TECTA: variants seen among roughly 807,000 people sequenced by gnomAD.
TECTA encodes the protein tectorin alpha.
In TECTA, 128 loss-of-function variants were observed where a neutral mutation model predicts 216.8. The observed-to-expected ratio is 0.59, with a 90% confidence interval of 0.51 to 0.68. The LOEUF is 0.68. Among genes scored for constraint, TECTA ranks in the 30% least tolerant of loss-of-function variants. The pLI is 0.00. For missense variants in TECTA, 2,551 were observed against 2,786.2 expected (o/e 0.92, Z 1.90); for synonymous variants, 1,089 against 1,117.1 (o/e 0.97, Z 0.50).
intron 16 of TECTA, among the ~76,000 whole-genome samples, chr11:121,162,610 A>T (rs1947012863): frequency 6.6e-6 from 1 of 152,216 alleles, no homozygotes; most frequent in Admixed American, 6.5e-5. Flanking sequence ...AAACGTGGGA[A>T]GATGGGGCTC....
intron 10 of TECTA, among the ~76,000 whole-genome samples, chr11:121,134,347 ACG>A (rs33961345): frequency 6.6e-6 from 1 of 151,614 alleles, no homozygotes; most frequent in East Asian, 1.9e-4. Context: ...ACACACACAC[ACG>A]CACACACTTC....
At chr11:121,169,076 A>C (rs1362144345) in intron 20 of TECTA, 151 bp downstream of exon 20, 1 of 1,242,462 alleles carries the variant, frequency 8.0e-7, no homozygotes, top group South Asian at 1.3e-5. Flanking sequence ...TCTCAAGACA[A>C]CCTATGAGGT....
At chr11:121,178,095 A>C (rs1269076548) in intron 20 of TECTA, among the ~76,000 whole-genome samples, 1 of 152,148 alleles carries the variant, frequency 6.6e-6, no homozygotes, top group Non-Finnish European at 1.5e-5. Context: ...CCTTTCTTTG[A>C]CTAGGAAAGG....
intron 4 of TECTA, chr11:121,110,084 GT>G (rs1946429051): frequency 6.4e-6 from 1 of 155,368 alleles, no homozygotes; most frequent in Non-Finnish European, 1.4e-5. Flanking sequence ...CATGAATAAA[GT>G]TTCAACATCT....
intron 16 of TECTA, among the ~76,000 whole-genome samples, chr11:121,162,978 T>C (rs2135126355): frequency 6.6e-6 from 1 of 152,354 alleles, no homozygotes; most frequent in East Asian, 1.9e-4. Context: ...GTTAATCAAA[T>C]AGGAGAACAA....
At chr11:121,124,993 G>A (rs1468951402) in intron 7 of TECTA, among the ~76,000 whole-genome samples, 1 of 152,230 alleles carries the variant, frequency 6.6e-6, no homozygotes, top group Non-Finnish European at 1.5e-5. Flanking sequence ...GAAAAGATAT[G>A]AAGCTAGCCA....
Position 121,113,732 on chromosome 11 carries a change from T to A in TECTA, c.790+14T>A. On this transcript the variant is annotated intron_variant, in intron 6 of 23. Coordinates refer to ENST00000392793, the MANE Select transcript of TECTA (RefSeq NM_005422.4). This position sits in a 1 kb window ranked among gnomAD's most constrained non-coding sequence, Gnocchi z 4.2. ...GCACCTCAAGGGGTAAAGCTTTTCC[T>A]CTGTCTGTGGCAAGGCAGGGTTTGT... is the stretch of plus-strand genomic sequence containing the variant. The A allele has an allele frequency of 6.2e-7, 1 of 1,612,804 alleles. No homozygotes were observed. The highest frequency in any genetic ancestry group is 8.5e-7 in the Non-Finnish European group (1 of 1,179,900).
intron 12 of TECTA, among the ~76,000 whole-genome samples, chr11:121,147,798 C>T (rs7108741): frequency 0.27 from 41,455 of 151,950 alleles, 7,194 homozygotes; most frequent in African/African-American, 0.49. Flanking sequence ...TGTACTGCTC[C>T]CAGGGTGGCT....
intron 15 of TECTA, 28 bp downstream of exon 15, chr11:121,160,449 G>C (rs775772206): frequency 1.2e-5 from 20 of 1,603,818 alleles, no homozygotes; most frequent in Non-Finnish European, 1.6e-5. Flanking sequence ...CAAGCCACTA[G>C]ACTTGGTGGC....
intron 12 of TECTA, among the ~76,000 whole-genome samples, chr11:121,147,085 TG>T (rs964223802): frequency 2.7e-4 from 41 of 151,590 alleles, no homozygotes; most frequent in African/African-American, 7.0e-4. Context: ...CTTGTGGGGG[TG>T]GGGGGGAAAC....
chr11:121,107,755 C>G (rs1946404263), intron 3 of TECTA, among the ~76,000 whole-genome samples: 1 of 152,198 alleles, frequency 6.6e-6, no homozygotes, highest in African/African-American at 2.4e-5. Context: ...CCCTTGTAAA[C>G]TGAGGGTATA....
chr11:121,140,233 C>A (rs1370104227), intron 11 of TECTA, among the ~76,000 whole-genome samples: 2 of 151,608 alleles, frequency 1.3e-5, no homozygotes, highest in African/African-American at 2.4e-5. Context: ...CCTCCCAGTT[C>A]TTTTCATGTA....
At position 121,152,870 on chromosome 11, in the gene TECTA, T is replaced by C; in HGVS notation, c.4106-11T>C. On this transcript the variant is annotated splice_polypyrimidine_tract_variant and intron_variant, in intron 12 of 23. Transcript: ENST00000392793. The stretch of plus-strand genomic sequence containing the variant: ...GATCGTGCGAGTCTTGACTTGTCTC[T>C]CTTGTTCCAGCTGTCACCTGCCCTC... 1 of 1,595,700 alleles carries C rather than the reference T, an allele frequency of 6.3e-7. No homozygotes were observed. Among genetic ancestry groups the C allele is most frequent in the South Asian group, 1.1e-5 (1 of 90,112 alleles).
In TECTA at chr11:121,129,814, G is replaced by T; in HGVS notation, c.2544G>T (p.Leu848Phe). The T allele has an allele frequency of 6.2e-7, 1 of 1,614,222 alleles. No homozygotes were observed. The highest frequency in any genetic ancestry group is 8.5e-7 in the Non-Finnish European group (1 of 1,180,048). ...CATACTTCAATTGCACAGGGGGCTT[G>T]TGCGGCTTCTACAATGCCAACGCCA... ...STTYFNCTGG[L>F]CGFYNANASD... The change falls in exon 10 of 24, where the codon TTG (leucine) becomes TTT (phenylalanine). Residue 848 changes from leucine to phenylalanine, a missense_variant. Leu to Phe is a conservative substitution (Grantham distance 22, BLOSUM62 0). Coordinates refer to ENST00000392793, the MANE Select transcript of TECTA (RefSeq NM_005422.4).
chr11:121,175,182 C>A (rs1221052807), intron 20 of TECTA, among the ~76,000 whole-genome samples: 1 of 151,508 alleles, frequency 6.6e-6, no homozygotes, highest in Admixed American at 6.6e-5. Flanking sequence ...TTTTTTGTGT[C>A]TGTATTTCCT....
chr11:121,130,706 C>G (rs1472436470), intron 10 of TECTA, among the ~76,000 whole-genome samples: 3 of 152,232 alleles, frequency 2.0e-5, no homozygotes, highest in Non-Finnish European at 2.9e-5. Flanking sequence ...TGACCCCTCT[C>G]AGCAATGCAG....
chr11:121,114,885 T>C (rs1591438633), intron 6 of TECTA, among the ~76,000 whole-genome samples: 1 of 49,730 alleles, frequency 2.0e-5, no homozygotes, highest in Admixed American at 2.7e-4. Context: ...ATTCACCCAC[T>C]CATCCACCTA....
At chr11:121,171,317 G>T (rs1342422496) in intron 20 of TECTA, among the ~76,000 whole-genome samples, 1 of 152,012 alleles carries the variant, frequency 6.6e-6, no homozygotes, top group African/African-American at 2.4e-5. Flanking sequence ...ATGCTGTTTT[G>T]GCTACTATAG....
At chr11:121,182,743 G>A (rs1377164097) in intron 20 of TECTA, among the ~76,000 whole-genome samples, 1 of 152,216 alleles carries the variant, frequency 6.6e-6, no homozygotes, top group African/African-American at 2.4e-5. Flanking sequence ...AGTGGTGGTG[G>A]CAACACGTTG....
Sources: allele counts gnomAD v4.1 joint callset (sites outside exome capture counted in the v4.1 genomes callset), GRCh38; gene constraint gnomAD v4.1.1; non-coding constraint Gnocchi (gnomAD v3.1); transcripts MANE v1.5; gene names NCBI Gene and HGNC (gene_info 2026-07-23, HGNC 2026-07-21).